Variants in LY6S observed in about 807,000 individuals in gnomAD.
The protein encoded by LY6S is lymphocyte antigen 6S.
At chr8:143,044,509 T>G in the LY6S span, 1 of 456,248 alleles carries the variant, frequency 2.2e-6, no homozygotes, top group Non-Finnish European at 3.7e-6. Context: ...CACCCTTCCC[T>G]GCACAGGTCC....
chr8:143,052,698 C>T, the LY6S span, among the ~76,000 whole-genome samples: 3 of 152,262 alleles, frequency 2.0e-5, no homozygotes, highest in Middle Eastern at 3.4e-3. Context: ...AATTAAGTAT[C>T]GTCTCCGCTC....
chr8:143,070,367 A>ATATATATATAAATATATATATATT, the LY6S span, among the ~76,000 whole-genome samples: 4 of 130,414 alleles, frequency 3.1e-5, no homozygotes, highest in Non-Finnish European at 4.7e-5. Flanking sequence ...TCCAGCTGAT[A>ATATATATATAAATATATATATATT]TATATATATA....
the LY6S span, among the ~76,000 whole-genome samples, chr8:143,056,743 C>T: frequency 3.7e-4 from 56 of 152,090 alleles, no homozygotes; most frequent in African/African-American, 1.3e-3. Context: ...CTTTATCAAC[C>T]ACTTATTAAC....
At chr8:143,074,427 TC>T in the LY6S span, among the ~76,000 whole-genome samples, 1 of 152,192 alleles carries the variant, frequency 6.6e-6, no homozygotes, top group Non-Finnish European at 1.5e-5. Flanking sequence ...ACTTCATCAA[TC>T]CTTTTTGCTA....
the LY6S span, chr8:143,057,490 C>G: frequency 1.5e-6 from 1 of 679,178 alleles, no homozygotes; most frequent in Non-Finnish European, 2.6e-6. Context: ...CCTTGTGATC[C>G]GCCCGCCCCG....
the LY6S span, among the ~76,000 whole-genome samples, chr8:143,048,740 G>T: frequency 6.6e-6 from 1 of 152,110 alleles, no homozygotes; most frequent in Non-Finnish European, 1.5e-5. Flanking sequence ...TAAGTGTTGG[G>T]ATTACAGGTG....
At chr8:143,071,193 G>GCGTGGAATATAGA in the LY6S span, among the ~76,000 whole-genome samples, 1 of 151,774 alleles carries the variant, frequency 6.6e-6, no homozygotes, top group African/African-American at 2.4e-5. Context: ...GGAAGACCCG[G>GCGTGGAATATAGA]CAGCATGGAT....
At chr8:143,057,563 A>C in the LY6S span, 6 of 1,237,066 alleles carry the variant, frequency 4.9e-6, no homozygotes, top group Non-Finnish European at 7.1e-6. Context: ...TAGTCTCTTG[A>C]TAACCGTCTC....
the LY6S span, chr8:143,042,395 C>T: frequency 4.4e-3 from 666 of 153,060 alleles, 12 homozygotes; most frequent in Non-Finnish European, 1.2e-3. Flanking sequence ...CTCTGACAAC[C>T]CTACTCAGAT....
chr8:143,042,801 G>T, the LY6S span, among the ~76,000 whole-genome samples: 1 of 152,172 alleles, frequency 6.6e-6, no homozygotes, highest in Non-Finnish European at 1.5e-5. Flanking sequence ...CCCGCCCTGG[G>T]CCACGGTTTC....
the LY6S span, among the ~76,000 whole-genome samples, chr8:143,050,096 C>T: frequency 7.2e-5 from 11 of 151,876 alleles, no homozygotes; most frequent in South Asian, 2.3e-3. Context: ...AGCAGCTGGA[C>T]TCTGCGCCCT....
At chr8:143,041,355 T>C in the LY6S span, among the ~76,000 whole-genome samples, 4 of 152,218 alleles carry the variant, frequency 2.6e-5, no homozygotes, top group Non-Finnish European at 5.9e-5. Flanking sequence ...TTTCTCCTAT[T>C]TGCTTTTGAA....
the LY6S span, chr8:143,057,519 A>C: frequency 1.2e-6 from 1 of 807,288 alleles, no homozygotes; most frequent in Admixed American, 2.0e-5. Flanking sequence ...AAGTGCTGGG[A>C]TTACAGGCGT....
At chr8:143,052,041 G>A in the LY6S span, among the ~76,000 whole-genome samples, 1 of 151,830 alleles carries the variant, frequency 6.6e-6, no homozygotes, top group Admixed American at 6.6e-5. Context: ...CAGCACTTTG[G>A]GAAGCTGAGG....
chr8:143,074,770 T>C, the LY6S span, among the ~76,000 whole-genome samples: 1 of 152,246 alleles, frequency 6.6e-6, no homozygotes, highest in Non-Finnish European at 1.5e-5. Context: ...GTAATTCTTA[T>C]AATTTTTGGT....
chr8:143,056,747 T>A, the LY6S span, among the ~76,000 whole-genome samples: 2 of 152,210 alleles, frequency 1.3e-5, no homozygotes, highest in Non-Finnish European at 2.9e-5. Flanking sequence ...ATCAACCACT[T>A]ATTAACTGAA....
chr8:143,049,694 C>G, the LY6S span, among the ~76,000 whole-genome samples: 1 of 152,234 alleles, frequency 6.6e-6, no homozygotes, highest in Non-Finnish European at 1.5e-5. Flanking sequence ...GAATCTAATC[C>G]CATTTCACCC....
At chr8:143,056,382 A>C in the LY6S span, among the ~76,000 whole-genome samples, 1 of 151,890 alleles carries the variant, frequency 6.6e-6, no homozygotes, top group Non-Finnish European at 1.5e-5. Context: ...ATGTATTTTC[A>C]AAAGAAACAA....
chr8:143,044,528 A>G, the LY6S span: 42 of 274,896 alleles, frequency 1.5e-4, no homozygotes, highest in Admixed American at 3.4e-4. Flanking sequence ...CCTGCCCGCC[A>G]TGCCCACCCC....
Sources: allele counts gnomAD v4.1 joint callset (sites outside exome capture counted in the v4.1 genomes callset), GRCh38; gene constraint gnomAD v4.1.1; transcripts MANE v1.5; gene names NCBI Gene and HGNC (gene_info 2026-07-23, HGNC 2026-07-21).